Variants in PRDM2 observed in about 807,000 individuals in gnomAD.
The protein encoded by PRDM2 is PR/SET domain 2.
Under a neutral mutation model 130.0 loss-of-function variants are expected in PRDM2, and 30 were observed. That is an observed-to-expected ratio of 0.23 (90% CI 0.17 to 0.31). The LOEUF (loss-of-function observed/expected upper bound fraction) is 0.31, where lower values mean the gene tolerates loss of function less well. PRDM2 is among the 10% of genes least tolerant of loss of function. PRDM2 has a pLI of 1.00. For missense variants in PRDM2, 2,011 were observed against 2,108.4 expected, an observed-to-expected ratio of 0.95 and a Z score of 0.90; for synonymous variants, 871 against 782.4, an observed-to-expected ratio of 1.11 and a Z score of -1.89.
chr1:13,703,968 T>C (rs1642136789), intron 1 of PRDM2, among the ~76,000 whole-genome samples: 1 of 152,394 alleles, frequency 6.6e-6, no homozygotes, highest in African/African-American at 2.4e-5. Flanking sequence ...AATTTAAAGA[T>C]AGTTCATTGA....
At chr1:13,755,003 TGTCC>T (rs1241596449) in intron 6 of PRDM2, among the ~76,000 whole-genome samples, 2 of 152,168 alleles carry the variant, frequency 1.3e-5, no homozygotes, top group Non-Finnish European at 2.9e-5. Flanking sequence ...GAGCATTGAA[TGTCC>T]CGTCTCTGGT....
At chr1:13,755,326 A>G (rs1023551828) in intron 6 of PRDM2, among the ~76,000 whole-genome samples, 39 of 152,326 alleles carry the variant, frequency 2.6e-4, no homozygotes, top group African/African-American at 9.4e-4. Context: ...AAATCCTAAC[A>G]TATGCCATGA....
intron 2 of PRDM2, among the ~76,000 whole-genome samples, chr1:13,719,292 A>C (rs776001369): frequency 1.3e-5 from 2 of 152,220 alleles, no homozygotes; most frequent in Non-Finnish European, 2.9e-5. Context: ...GAGTGAACAC[A>C]CAGTAGTACA....
chr1:13,794,254 T>C (rs1040404546), intron 8 of PRDM2, among the ~76,000 whole-genome samples: 1 of 152,150 alleles, frequency 6.6e-6, no homozygotes, highest in African/African-American at 2.4e-5. Context: ...TTCCTGACCA[T>C]CGATCTGTCA....
At chr1:13,715,139 A>G (rs1642492745) in intron 1 of PRDM2, among the ~76,000 whole-genome samples, 1 of 152,224 alleles carries the variant, frequency 6.6e-6, no homozygotes, top group Admixed American at 6.5e-5. Context: ...GAATAATGTA[A>G]TGGGGTCTAA....
At chr1:13,700,846 A>C (rs891649520) in intron 1 of PRDM2, among the ~76,000 whole-genome samples, 4 of 152,122 alleles carry the variant, frequency 2.6e-5, no homozygotes, top group Non-Finnish European at 4.4e-5. Flanking sequence ...CAATGTTCCC[A>C]TAGACCCACG....
intron 8 of PRDM2, among the ~76,000 whole-genome samples, chr1:13,808,770 C>T (rs754011007): frequency 2.6e-5 from 4 of 152,188 alleles, no homozygotes; most frequent in African/African-American, 9.7e-5. Flanking sequence ...AACTCAACCA[C>T]GCTCTGCCAT....
At chr1:13,797,265 C>G (rs1367936853) in intron 8 of PRDM2, among the ~76,000 whole-genome samples, 1 of 152,190 alleles carries the variant, frequency 6.6e-6, no homozygotes, top group Non-Finnish European at 1.5e-5. Context: ...TTTATGTTTA[C>G]AGGTGTGAGT....
At chr1:13,818,390 T>A (rs1268209155) in intron 9 of PRDM2, among the ~76,000 whole-genome samples, 1 of 150,626 alleles carries the variant, frequency 6.6e-6, no homozygotes, top group Non-Finnish European at 1.5e-5. Context: ...TTTTTTTTTT[T>A]TTTTTTTGAG....
chr1:13,813,832 C>A (rs1258226895), intron 8 of PRDM2, among the ~76,000 whole-genome samples: 1 of 152,240 alleles, frequency 6.6e-6, no homozygotes, highest in Non-Finnish European at 1.5e-5. Flanking sequence ...ATGGTTGCTG[C>A]ATCCGCAGGA....
intron 8 of PRDM2, among the ~76,000 whole-genome samples, chr1:13,814,211 G>A (rs1378203010): frequency 6.6e-6 from 1 of 152,238 alleles, no homozygotes; most frequent in African/African-American, 2.4e-5. Flanking sequence ...GGTTGGCGGG[G>A]GTGGCCACTA....
chr1:13,745,425 GTTTT>G (rs572467638), intron 5 of PRDM2, among the ~76,000 whole-genome samples: 1 of 139,240 alleles, frequency 7.2e-6, no homozygotes, highest in Non-Finnish European at 1.6e-5. Flanking sequence ...TAAGCTAATG[GTTTT>G]TTTTTTTTTT....
At chr1:13,770,787 A>G (rs1211036799) in intron 6 of PRDM2, among the ~76,000 whole-genome samples, 1 of 152,194 alleles carries the variant, frequency 6.6e-6, no homozygotes, top group Admixed American at 6.5e-5. Flanking sequence ...GGGTTCAGAG[A>G]AAAAGTTTCT....
chr1:13,786,305 C>T lies in PRDM2; in HGVS notation c.5036+3474C>T, dbSNP rs1644738311. 2.6e-5 allele frequency among the ~76,000 whole-genome samples: 4 copies of T among 152,140 alleles called. No homozygotes were observed. In the South Asian group the frequency reaches 6.2e-4, roughly 24 times the overall value. On this transcript the variant is annotated intron_variant, in intron 8 of 9. Transcript: ENST00000311066. Reference sequence around the variant, plus strand: ...AAGTGCTAATTTCTCATGCCTCCATCTCTGCTACATCCCTTGGAAATAAAT... The same window carrying T: ...AAGTGCTAATTTCTCATGCCTCCATTTCTGCTACATCCCTTGGAAATAAAT...
chr1:13,756,442 G>T (rs1643956167), intron 6 of PRDM2, among the ~76,000 whole-genome samples: 1 of 152,102 alleles, frequency 6.6e-6, no homozygotes, highest in Non-Finnish European at 1.5e-5. Context: ...TTCACATGCT[G>T]CCAAGTACAG....
intron 2 of PRDM2, among the ~76,000 whole-genome samples, chr1:13,720,447 G>A (rs908903455): frequency 2.0e-5 from 3 of 152,122 alleles, no homozygotes; most frequent in Non-Finnish European, 4.4e-5. Flanking sequence ...AAGAAGTGTG[G>A]GCTCAGCTCT....
intron 9 of PRDM2, among the ~76,000 whole-genome samples, chr1:13,820,183 A>G (rs974701672): frequency 4.6e-5 from 7 of 152,202 alleles, no homozygotes; most frequent in Non-Finnish European, 8.8e-5. Flanking sequence ...CTGTGTGTGC[A>G]TGTGGGTTTT....
rs185811729 is a variant in PRDM2, at chr1:13,804,161, T to A, written c.5037-12266T>A. On this transcript the variant is annotated intron_variant, in intron 8 of 9. Transcript: ENST00000311066. ...TGCTGGGACTAAAGGGAGGATGACA[T>A]GAAGACAGCGCATGGGCCAGTGTGT... Among the ~76,000 whole-genome samples, 3 of 152,244 alleles carry A rather than the reference T, an allele frequency of 2.0e-5. No individual in the cohort carries two copies. The East Asian group carries it at 5.8e-4, about 29-fold the overall frequency.
At chr1:13,798,368 A>G (rs1338559681) in intron 8 of PRDM2, among the ~76,000 whole-genome samples, 1 of 152,240 alleles carries the variant, frequency 6.6e-6, no homozygotes, top group East Asian at 1.9e-4. Context: ...ATTAAAATCA[A>G]GCCGAAAGAA....
Sources: gnomAD v4.1 joint callset for allele counts (sites outside exome capture counted in the v4.1 genomes callset) on GRCh38, gnomAD v4.1.1 for gene constraint, MANE v1.5 for transcripts, NCBI Gene and HGNC (gene_info 2026-07-23, HGNC 2026-07-21) for gene names.